ZDHHC2: variants seen among roughly 807,000 people sequenced by gnomAD.
ZDHHC2 encodes the protein zDHHC palmitoyltransferase 2, also known as palmitoyltransferase ZDHHC2.
A neutral mutation model predicts 55.6 loss-of-function variants in ZDHHC2; 51 were observed. The ratio of observed to expected loss-of-function variants is 0.92; its 90% CI spans 0.73 to 1.16. The LOEUF (loss-of-function observed/expected upper bound fraction) is 1.16, where lower values mean the gene tolerates loss of function less well. ZDHHC2 is among the 50% of genes most tolerant of loss of function. The pLI is 0.00. For missense variants in ZDHHC2, 491 were observed against 442.4 expected (o/e 1.11, Z -0.99); for synonymous variants, 199 against 152.9 (o/e 1.30, Z -2.22).
Position 17,210,442 on chromosome 8 carries a change from A to G in ZDHHC2, c.912A>G (p.Gln304=), listed in dbSNP as rs1807320938. Reference sequence around the variant, plus strand: ...GCCTTGTTAACCAGGATCCTGAACAAGCATCTACTCCTGCAGGGCTGAATT... The same window carrying G: ...GCCTTGTTAACCAGGATCCTGAACAGGCATCTACTCCTGCAGGGCTGAATT... The part of the protein sequence containing the change: ...PTCLVNQDPE[Q]ASTPAGLNST... Residue 304 remains glutamine, a synonymous_variant, in exon 10 of 13, where the codon CAA becomes CAG. Transcript: ENST00000262096. 1 of 1,613,316 alleles carries G rather than the reference A, an allele frequency of 6.2e-7. No individual in the cohort carries two copies. The highest frequency in any genetic ancestry group is 1.3e-5 in the African/African-American group (1 of 75,016).
chr8:17,190,414 GA>G (rs1447757271), intron 3 of ZDHHC2, among the ~76,000 whole-genome samples: 1 of 152,164 alleles, frequency 6.6e-6, no homozygotes, highest in Non-Finnish European at 1.5e-5. Flanking sequence ...AAGAACCTTA[GA>G]ATATTCCCTT....
rs986942018 is a variant in ZDHHC2, at chr8:17,175,080, A to G, written c.131-9709A>G. On this transcript the variant is annotated intron_variant, in intron 1 of 12. Coordinates refer to ENST00000262096, the MANE Select transcript of ZDHHC2 (RefSeq NM_016353.5). ...GCCAGTAATTTCTGGGCCATTTTCC[A>G]TCGTTCTTTGATAATTTCTAGCATA... Among the ~76,000 whole-genome samples the G allele has an allele frequency of 2.6e-5, 4 of 152,222 alleles. No homozygotes were observed. In the East Asian group the frequency reaches 5.8e-4, roughly 22 times the overall value.
intron 6 of ZDHHC2, among the ~76,000 whole-genome samples, chr8:17,202,819 A>G (rs1401267362): frequency 1.3e-5 from 2 of 152,032 alleles, no homozygotes; most frequent in Admixed American, 1.3e-4. Context: ...TCTAAAATAT[A>G]TGGTCTTCAT....
chr8:17,206,789 T>G (rs919845866), intron 7 of ZDHHC2, among the ~76,000 whole-genome samples: 1 of 152,188 alleles, frequency 6.6e-6, no homozygotes, highest in Non-Finnish European at 1.5e-5. Context: ...CTGCCAGGAT[T>G]GATGTATTAT....
chr8:17,190,992 C>T (rs1317382567), intron 3 of ZDHHC2, among the ~76,000 whole-genome samples: 21 of 94,456 alleles, frequency 2.2e-4, no homozygotes, highest in Non-Finnish European at 4.0e-4. Context: ...GATGGAGTTT[C>T]GCTCTGTCAC....
intron 10 of ZDHHC2, among the ~76,000 whole-genome samples, chr8:17,210,920 A>G (rs1027422190): frequency 6.6e-6 from 1 of 152,122 alleles, no homozygotes; most frequent in Non-Finnish European, 1.5e-5. Flanking sequence ...CACCTTCTTG[A>G]CAACTCCATT....
chr8:17,173,438 G>C (rs888334502), intron 1 of ZDHHC2, among the ~76,000 whole-genome samples: 1 of 152,140 alleles, frequency 6.6e-6, no homozygotes, highest in African/African-American at 2.4e-5. Flanking sequence ...CACTTTGGGA[G>C]GCTGAGGTGG....
Position 17,167,361 on chromosome 8 carries a change from G to A in ZDHHC2, c.130+10508G>A, listed in dbSNP as rs181330667. Among the ~76,000 whole-genome samples the A allele has an allele frequency of 1.1e-3, 149 of 138,958 alleles. 1 individual carries two copies. The highest frequency in any genetic ancestry group is 1.8e-3 in the South Asian group (8 of 4,490). 91.2% of individuals were successfully genotyped at this position (138,958 alleles called of 152,430 possible). A position where few individuals can be genotyped will look rare whatever the true frequency, so the allele number is the denominator to read the frequency against. Reference sequence around the variant, plus strand: ...CGCTCTGTCAGCCAGGCTGAAGTGCGATGGTGCAATATTGGCTCACTGCAA... The same window carrying A: ...CGCTCTGTCAGCCAGGCTGAAGTGCAATGGTGCAATATTGGCTCACTGCAA... On this transcript the variant is annotated intron_variant, in intron 1 of 12. Coordinates refer to ENST00000262096, the MANE Select transcript of ZDHHC2 (RefSeq NM_016353.5).
chr8:17,186,262 G>A (rs958186357), intron 2 of ZDHHC2, 69 bp from the exon 3 acceptor site: 8 of 991,786 alleles, frequency 8.1e-6, no homozygotes, highest in African/African-American at 1.7e-5. Context: ...CAAGCAGATC[G>A]GTTGTGACTG....
chr8:17,158,002 G>A (rs926730716), intron 1 of ZDHHC2, among the ~76,000 whole-genome samples: 1 of 152,154 alleles, frequency 6.6e-6, no homozygotes, highest in African/African-American at 2.4e-5. Context: ...AATCACTGAT[G>A]TAAGTTGTAA....
chr8:17,184,117 C>T (rs938585814), intron 1 of ZDHHC2, among the ~76,000 whole-genome samples: 1 of 152,144 alleles, frequency 6.6e-6, no homozygotes, highest in African/African-American at 2.4e-5. Context: ...ATAGACAATA[C>T]AAAAGGCGTA....
chr8:17,182,571 G>A (rs1459141640), intron 1 of ZDHHC2, among the ~76,000 whole-genome samples: 2 of 152,054 alleles, frequency 1.3e-5, no homozygotes, highest in Admixed American at 6.6e-5. Flanking sequence ...GAATTTATGT[G>A]TAAGTTGTGT....
chr8:17,210,850 C>G (rs1228647244), intron 10 of ZDHHC2, among the ~76,000 whole-genome samples: 1 of 152,148 alleles, frequency 6.6e-6, no homozygotes, highest in African/African-American at 2.4e-5. Flanking sequence ...TCTTTCCTTT[C>G]TGTGATAACT....
At chr8:17,190,160 T>G (rs998659540) in intron 3 of ZDHHC2, among the ~76,000 whole-genome samples, 10 of 151,798 alleles carry the variant, frequency 6.6e-5, no homozygotes, top group Non-Finnish European at 1.3e-4. Flanking sequence ...TGATAAAATA[T>G]ATACCAATAC....
intron 1 of ZDHHC2, among the ~76,000 whole-genome samples, chr8:17,171,825 T>C (rs1804870170): frequency 6.6e-6 from 1 of 151,196 alleles, no homozygotes. Context: ...CCAACCTTGT[T>C]TTTACTAACC....
chr8:17,186,275 A>G, intron 2 of ZDHHC2, 56 bp from the exon 3 acceptor site: 1 of 1,184,756 alleles, frequency 8.4e-7, no homozygotes, highest in Non-Finnish European at 1.2e-6. Flanking sequence ...TGTGACTGTC[A>G]TAATTTTAGT....
At chr8:17,168,968 C>G (rs1450274958) in intron 1 of ZDHHC2, among the ~76,000 whole-genome samples, 1 of 152,104 alleles carries the variant, frequency 6.6e-6, no homozygotes, top group African/African-American at 2.4e-5. Flanking sequence ...TTTGGCTATT[C>G]TGAATAATGC....
chr8:17,193,813 G>A lies in ZDHHC2; in HGVS notation c.253-1691G>A, dbSNP rs963203591. 1.4e-4 allele frequency among the ~76,000 whole-genome samples: 22 copies of A among 152,134 alleles called. 1 individual carries two copies. Among genetic ancestry groups the A allele is most frequent in the African/African-American group, 5.1e-4 (21 of 41,430 alleles). On this transcript the variant is annotated intron_variant, in intron 3 of 12. Transcript: ENST00000262096. ...CTTTAAGTTCTGGGGTACATGTCCA[G>A]AACGTGGAGGTTTGTTACATAGGTA...
chr8:17,171,552 C>G (rs1804853049), intron 1 of ZDHHC2, among the ~76,000 whole-genome samples: 1 of 152,096 alleles, frequency 6.6e-6, no homozygotes, highest in African/African-American at 2.4e-5. Context: ...CGACACATTC[C>G]TAATGATTTA....
Sources: gnomAD v4.1 joint callset for allele counts (sites outside exome capture counted in the v4.1 genomes callset) on GRCh38, gnomAD v4.1.1 for gene constraint, MANE v1.5 for transcripts, NCBI Gene and HGNC (gene_info 2026-07-23, HGNC 2026-07-21) for gene names.